Variants in PRKAG2 observed in about 807,000 individuals in gnomAD.
The protein encoded by PRKAG2 is protein kinase AMP-activated non-catalytic subunit gamma 2.
Under a neutral mutation model 69.6 loss-of-function variants are expected in PRKAG2, and 26 were observed. The observed-to-expected ratio is 0.37, with a 90% CI of 0.27 to 0.52. PRKAG2 has a LOEUF of 0.52. PRKAG2 is among the 20% of genes least tolerant of loss of function. The pLI, the probability that PRKAG2 is intolerant of heterozygous loss-of-function variation, is 0.90. For missense variants in PRKAG2, 557 were observed against 740.0 expected, an observed-to-expected ratio of 0.75 and a Z score of 2.87; for synonymous variants, 293 against 285.0, an observed-to-expected ratio of 1.03 and a Z score of -0.28.
intron 1 of PRKAG2, among the ~76,000 whole-genome samples, chr7:151,820,766 A>G (rs570317539): frequency 8.5e-5 from 13 of 152,372 alleles, no homozygotes; most frequent in African/African-American, 2.9e-4. Flanking sequence ...GCCACCTTCA[A>G]CAGAAGGAAC....
chr7:151,674,916 GTTTCTT>G (rs1246157967), intron 4 of PRKAG2: 1 of 177,936 alleles, frequency 5.6e-6, no homozygotes, highest in Non-Finnish European at 1.2e-5. Flanking sequence ...TTTTCATTTT[GTTTCTT>G]TTTTTCTTTT....
At chr7:151,669,983 C>T (rs979895788) in intron 4 of PRKAG2, among the ~76,000 whole-genome samples, 2 of 93,236 alleles carry the variant, frequency 2.1e-5, no homozygotes, top group Non-Finnish European at 4.2e-5. Flanking sequence ...CCTGTGCACA[C>T]ACACTTGCAT....
intron 4 of PRKAG2, among the ~76,000 whole-genome samples, chr7:151,667,667 G>A (rs1189589003): frequency 6.6e-6 from 1 of 152,190 alleles, no homozygotes; most frequent in Non-Finnish European, 1.5e-5. Flanking sequence ...TAGGCCTCAA[G>A]GGACCTTGCA....
chr7:151,845,648 C>G (rs973238762), intron 1 of PRKAG2, among the ~76,000 whole-genome samples: 1 of 152,092 alleles, frequency 6.6e-6, no homozygotes, highest in African/African-American at 2.4e-5. Flanking sequence ...TTTTCAGATG[C>G]CTGCCTCCCT....
intron 9 of PRKAG2, among the ~76,000 whole-genome samples, chr7:151,570,514 A>C (rs1358456925): frequency 1.3e-5 from 2 of 152,220 alleles, no homozygotes; most frequent in Admixed American, 6.5e-5. Flanking sequence ...CTGATAAAAG[A>C]GCAATACCAG....
intron 1 of PRKAG2, among the ~76,000 whole-genome samples, chr7:151,861,023 C>T (rs1331260243): frequency 1.3e-5 from 2 of 152,192 alleles, no homozygotes; most frequent in South Asian, 2.1e-4. Context: ...GTTCCTGGCA[C>T]GTGGACCAAG....
rs138928212 is a variant in PRKAG2, at chr7:151,577,473, T to A, written c.865-1021A>T. ...ATGCAAATTAAAACAAAGTGTCATT[T>A]GTAGATGCTAAATAAGCCGATATTT... On this transcript the variant is annotated intron_variant, in intron 6 of 15. Coordinates refer to ENST00000287878, the MANE Select transcript of PRKAG2 (RefSeq NM_016203.4). Among the ~76,000 whole-genome samples, 1,153 of 152,326 alleles carry A rather than the reference T, an allele frequency of 7.6e-3. 49 individuals carry two copies. Among genetic ancestry groups the A allele is most frequent in the Admixed American group, 0.069 (1,050 of 15,294 alleles).
chr7:151,733,985 G>A (rs573960498), intron 3 of PRKAG2, among the ~76,000 whole-genome samples: 5 of 152,154 alleles, frequency 3.3e-5, no homozygotes, highest in African/African-American at 9.6e-5. Context: ...TTGAGCCACC[G>A]CACCTGGCCT....
At chr7:151,861,954 G>C (rs1437901755) in intron 1 of PRKAG2, among the ~76,000 whole-genome samples, 1 of 151,442 alleles carries the variant, frequency 6.6e-6, no homozygotes, top group Non-Finnish European at 1.5e-5. Context: ...CTCACACACA[G>C]GACTCTGTTC....
chr7:151,837,897 G>A (rs527771953), intron 1 of PRKAG2, among the ~76,000 whole-genome samples: 1 of 152,282 alleles, frequency 6.6e-6, no homozygotes, highest in Admixed American at 6.5e-5. Context: ...GTAAAGCCGG[G>A]ATCTGAGCAG....
rs960185920 is a variant in PRKAG2 at position 151,631,039 on chromosome 7, T to C, written c.754+1030A>G. Among the ~76,000 whole-genome samples, 5 of 152,370 alleles carry C rather than the reference T, an allele frequency of 3.3e-5. No homozygotes were observed. In the South Asian group the frequency reaches 1.0e-3, roughly 32 times the overall value. On this transcript the variant is annotated intron_variant, in intron 5 of 15. Coordinates refer to ENST00000287878, the MANE Select transcript of PRKAG2 (RefSeq NM_016203.4). ...TTCTATTGGGTTAACACGTCCATGC[T>C]GGCTGTGCAGGCTTATTTAAGTAAT...
intron 3 of PRKAG2, among the ~76,000 whole-genome samples, chr7:151,682,266 G>T (rs1253841260): frequency 6.6e-6 from 1 of 152,058 alleles, no homozygotes; most frequent in Non-Finnish European, 1.5e-5. Context: ...TTTGAGACAA[G>T]GTCTCACTCT....
chr7:151,564,014 C>A, intron 14 of PRKAG2, 64 bp downstream of exon 14: 1 of 1,608,586 alleles, frequency 6.2e-7, no homozygotes, highest in South Asian at 1.1e-5. Context: ...CCAGAGGCAT[C>A]ATTCACTACT....
chr7:151,815,210 T>C (rs1436212068), intron 1 of PRKAG2, among the ~76,000 whole-genome samples: 2 of 151,884 alleles, frequency 1.3e-5, no homozygotes, highest in Non-Finnish European at 2.9e-5. Flanking sequence ...CCAGACAGCC[T>C]GCAAACATCA....
Position 151,556,936 on chromosome 7 carries a change from C to A in PRKAG2, c.*265G>T. Reference sequence around the variant, plus strand: ...TCTTTGAAATGAAAAATAATGAAAACTTCAGGACACAGTGCACTTTAATGA... The same window carrying A: ...TCTTTGAAATGAAAAATAATGAAAAATTCAGGACACAGTGCACTTTAATGA... On this transcript the variant is annotated 3_prime_UTR_variant, in exon 16 of 16. Transcript: ENST00000287878. 2.0e-6 allele frequency: 1 copy of A among 510,154 alleles called. No homozygotes were observed. Among genetic ancestry groups the A allele is most frequent in the Non-Finnish European group, 3.5e-6 (1 of 285,812 alleles). 31.6% of individuals were successfully genotyped at this position (510,154 alleles called of 1,614,324 possible).
chr7:151,601,009 T>C (rs1173768968), intron 5 of PRKAG2, among the ~76,000 whole-genome samples: 3 of 152,224 alleles, frequency 2.0e-5, no homozygotes, highest in African/African-American at 2.4e-5. Flanking sequence ...CAAGCGGGAT[T>C]TGAAGCTCTG....
At chr7:151,623,361 C>G (rs1821974017) in intron 5 of PRKAG2, among the ~76,000 whole-genome samples, 1 of 24,756 alleles carries the variant, frequency 4.0e-5, no homozygotes, top group Non-Finnish European at 8.0e-5. Context: ...AAGACTCTGT[C>G]TCAAAAAAAA....
At chr7:151,734,842 C>A (rs1586164568) in intron 3 of PRKAG2, among the ~76,000 whole-genome samples, 2 of 142,852 alleles carry the variant, frequency 1.4e-5, no homozygotes, top group Admixed American at 7.0e-5. Context: ...CAGCCTAAAT[C>A]TGATTCTTTT....
chr7:151,873,834 C>T (rs1199294220), intron 1 of PRKAG2, among the ~76,000 whole-genome samples: 2 of 152,176 alleles, frequency 1.3e-5, no homozygotes, highest in African/African-American at 4.8e-5. Context: ...GCCCACACAT[C>T]ACTCACACCC....
Sources: gnomAD v4.1 joint callset for allele counts (sites outside exome capture counted in the v4.1 genomes callset) on GRCh38, gnomAD v4.1.1 for gene constraint, MANE v1.5 for transcripts, NCBI Gene and HGNC (gene_info 2026-07-23, HGNC 2026-07-21) for gene names.